The following FAT1 variants were observed in gnomAD, a reference collection of about 807,000 sequenced individuals.
FAT1 encodes the protein FAT atypical cadherin 1, also known as protocadherin Fat 1.
FAT1 carries 171 observed loss-of-function variants against 329.8 expected under a neutral mutation model. That is an observed-to-expected ratio of 0.52 (90% confidence interval 0.46 to 0.59). The LOEUF is 0.59. FAT1 is among the 20% of genes least tolerant of loss of function. The pLI, the probability that FAT1 is intolerant of heterozygous loss-of-function variation, is 0.00. For missense variants in FAT1, 5,672 were observed against 5,774.4 expected, an observed-to-expected ratio of 0.98 and a Z score of 0.57; for synonymous variants, 2,233 against 2,228.6, an observed-to-expected ratio of 1.00 and a Z score of -0.06.
chr4:186,703,341 C>A (rs1425235070), intron 2 of FAT1, among the ~76,000 whole-genome samples: 1 of 152,104 alleles, frequency 6.6e-6, no homozygotes, highest in East Asian at 1.9e-4. Flanking sequence ...CAGAAAACTA[C>A]GTTTCAGAGG....
At position 186,603,749 on chromosome 4, in the gene FAT1, A is replaced by C. The variant is rs944716505; in HGVS notation, c.10777T>G (p.Ser3593Ala). Residue 3593 changes from serine to alanine, a missense_variant, in exon 19 of 27, where the codon TCC becomes GCC. Physicochemically the swap from Ser to Ala is moderately conservative, Grantham distance 99 (BLOSUM62 1). Coordinates refer to ENST00000441802, the MANE Select transcript of FAT1 (RefSeq NM_005245.4). ...GCTATCAGCTTGCCCCCTGTGCTGG[A>C]AACAGAGAACAGGTTGTCCATCTGA... ...DPQMDNLFSV[S>A]STGGKLIAHK... The C allele has an allele frequency of 2.5e-6, 4 of 1,613,834 alleles. No individual in the cohort carries two copies. The highest frequency in any genetic ancestry group is 3.4e-6 in the Non-Finnish European group (4 of 1,179,894).
chr4:186,651,720 G>T (rs915766914), intron 3 of FAT1, among the ~76,000 whole-genome samples: 6 of 152,152 alleles, frequency 3.9e-5, no homozygotes, highest in African/African-American at 1.4e-4. Context: ...TGCCTTGCTG[G>T]CCACGAGCAA....
In FAT1 at chr4:186,613,327, G is replaced by A. The variant is rs1325583332; in HGVS notation, c.9245C>T (p.Ser3082Leu). 6.2e-7 allele frequency: 1 copy of A among 1,613,872 alleles called. No individual in the cohort carries two copies. Among genetic ancestry groups the A allele is most frequent in the Admixed American group, 1.7e-5 (1 of 60,026 alleles). The change falls in exon 13 of 27, where the codon TCA becomes TTA. Residue 3082 changes from serine to leucine, a missense_variant. By Grantham distance (145) the Ser-to-Leu change is moderately radical (BLOSUM62 -2). This residue lies in a region of FAT1 where 3,966 missense variants were observed against 3,915.2 expected (regional missense o/e 1.01). Transcript: ENST00000441802. The part of the protein sequence containing the change: ...LNPDTGELKT[S>L]TPLDREEQAV... ...TTGCTCCTCACGATCAAGGGGGGTT[G>A]ACGTTTTCAGTTCACCTACAAACAA...
At chr4:186,691,255 T>G (rs968927802) in intron 2 of FAT1, among the ~76,000 whole-genome samples, 2 of 152,228 alleles carry the variant, frequency 1.3e-5, no homozygotes, top group Non-Finnish European at 2.9e-5. Context: ...TTTTAGCTTA[T>G]ACAGAGTACA....
intron 2 of FAT1, among the ~76,000 whole-genome samples, chr4:186,664,963 C>T (rs565039665): frequency 2.6e-5 from 4 of 152,286 alleles, no homozygotes; most frequent in African/African-American, 9.6e-5. Context: ...ATTTTGATCA[C>T]ACGAAATTAA....
At chr4:186,714,759 G>A (rs1190242383) in intron 1 of FAT1, among the ~76,000 whole-genome samples, 2 of 152,198 alleles carry the variant, frequency 1.3e-5, no homozygotes, top group African/African-American at 4.8e-5. Flanking sequence ...CCTAACATTA[G>A]AACTTGGAGT....
intron 2 of FAT1, among the ~76,000 whole-genome samples, chr4:186,669,662 T>C (rs186936650): frequency 6.6e-6 from 1 of 152,264 alleles, no homozygotes. Flanking sequence ...ACTTTAAATA[T>C]GCATCCAGTG....
At position 186,708,210 on chromosome 4, in the gene FAT1, C is replaced by T. The variant is rs2126694685; in HGVS notation, c.1618G>A (p.Ala540Thr). The T allele has an allele frequency of 6.2e-7, 1 of 1,614,016 alleles. No individual in the cohort carries two copies. Among genetic ancestry groups the T allele is most frequent in the Non-Finnish European group, 8.5e-7 (1 of 1,179,898 alleles). ...CGGTACGGCAAGCCCCAGTCTGATG[C>T]ACGAATCCTCAGAGTATAAACCCGA... ...MPRVYTLRIR[A>T]SDWGLPYRRE... is the part of the protein sequence containing the mutation. Residue 540 changes from alanine (A) to threonine (T), a missense_variant, in exon 2 of 27, where the codon GCA becomes ACA. Physicochemically the swap from Ala to Thr is moderately conservative, Grantham distance 58 (BLOSUM62 0). Transcript: ENST00000441802.
intron 2 of FAT1, among the ~76,000 whole-genome samples, chr4:186,678,545 C>G (rs1250560425): frequency 1.4e-5 from 2 of 147,896 alleles, no homozygotes; most frequent in African/African-American, 4.9e-5. Context: ...ACATGTATAG[C>G]TATGTAAATA....
intron 15 of FAT1, 42 bp downstream of exon 15, chr4:186,609,758 AG>A (rs1393563724): frequency 7.3e-7 from 1 of 1,372,528 alleles, no homozygotes. Context: ...GCAAAGATCC[AG>A]AAGATACACA....
chr4:186,667,451 G>A (rs1458723393), intron 2 of FAT1, among the ~76,000 whole-genome samples: 1 of 152,238 alleles, frequency 6.6e-6, no homozygotes, highest in Non-Finnish European at 1.5e-5. Context: ...GATGCTGGAT[G>A]TTCCTATTTC....
chr4:186,666,767 A>G (rs907366322), intron 2 of FAT1, among the ~76,000 whole-genome samples: 2 of 152,212 alleles, frequency 1.3e-5, no homozygotes, highest in Non-Finnish European at 2.9e-5. Context: ...GCATTATCTT[A>G]TATAATCTTT....
At chr4:186,694,885 C>T (rs1743952983) in intron 2 of FAT1, among the ~76,000 whole-genome samples, 2 of 152,180 alleles carry the variant, frequency 1.3e-5, no homozygotes, top group South Asian at 4.1e-4. Context: ...TCGCTTGAAC[C>T]CAGGAGGCAG....
intron 2 of FAT1, among the ~76,000 whole-genome samples, chr4:186,688,427 AT>A (rs1743581578): frequency 1.3e-5 from 2 of 152,126 alleles, no homozygotes; most frequent in Admixed American, 6.5e-5. Flanking sequence ...CGCGGACCCC[AT>A]GTGGTCCTTT....
At chr4:186,633,084 T>C (rs1740664702) in intron 7 of FAT1, among the ~76,000 whole-genome samples, 1 of 152,112 alleles carries the variant, frequency 6.6e-6, no homozygotes, top group Non-Finnish European at 1.5e-5. Context: ...CTAGGAATAT[T>C]CCTTCTGTAC....
chr4:186,635,404 A>G (rs993486782), intron 6 of FAT1, among the ~76,000 whole-genome samples: 14 of 152,220 alleles, frequency 9.2e-5, no homozygotes, highest in Non-Finnish European at 1.9e-4. Context: ...CTACATGACA[A>G]ATAAGAAGAA....
At chr4:186,590,835 A>G in intron 26 of FAT1, 1 of 360,598 alleles carries the variant, frequency 2.8e-6, no homozygotes, top group Non-Finnish European at 5.4e-6. Context: ...GCACACTGCA[A>G]CTTCAAAGGA....
chr4:186,634,661 A>G (rs1485184900), intron 6 of FAT1, among the ~76,000 whole-genome samples: 3 of 152,258 alleles, frequency 2.0e-5, no homozygotes, highest in African/African-American at 7.2e-5. Flanking sequence ...AAAAGTAAAA[A>G]AAAACAAAAA....
chr4:186,617,548 A>G (rs1739770367), intron 10 of FAT1, among the ~76,000 whole-genome samples, 160 bp downstream of exon 10: 1 of 152,240 alleles, frequency 6.6e-6, no homozygotes, highest in Admixed American at 6.5e-5. Flanking sequence ...AACAAGCTTG[A>G]AATGAGGCTC....
Sources: allele counts gnomAD v4.1 joint callset (sites outside exome capture counted in the v4.1 genomes callset), GRCh38; gene constraint gnomAD v4.1.1; regional missense constraint gnomAD v4.1.1; transcripts MANE v1.5; gene names NCBI Gene and HGNC (gene_info 2026-07-23, HGNC 2026-07-21).